GMDS: variants seen among roughly 807,000 people sequenced by gnomAD.
GMDS encodes GDP-mannose 4,6 dehydratase.
Under a neutral mutation model 49.9 loss-of-function variants are expected in GMDS, and 20 were observed. That is an observed-to-expected ratio of 0.40 (90% CI 0.28 to 0.58). GMDS has a LOEUF of 0.58. GMDS is among the 20% of genes least tolerant of loss of function. GMDS has a pLI of 0.42. For missense variants in GMDS, 362 were observed against 481.4 expected (o/e 0.75, Z 2.32); for synonymous variants, 177 against 178.6 (o/e 0.99, Z 0.07).
chr6:2,196,399 G>A (rs961379602), intron 1 of GMDS, among the ~76,000 whole-genome samples: 1 of 152,192 alleles, frequency 6.6e-6, no homozygotes, highest in African/African-American at 2.4e-5. Context: ...AATAGTGTGG[G>A]TCACAAGGCA....
intron 7 of GMDS, among the ~76,000 whole-genome samples, chr6:1,825,610 T>C (rs908740933): frequency 1.3e-5 from 2 of 152,254 alleles, no homozygotes; most frequent in Admixed American, 1.3e-4. Flanking sequence ...ATTGCTCCTA[T>C]ACTACAAATC....
At chr6:1,693,170 G>T (rs1765232419) in intron 9 of GMDS, among the ~76,000 whole-genome samples, 1 of 152,164 alleles carries the variant, frequency 6.6e-6, no homozygotes, top group Non-Finnish European at 1.5e-5. Flanking sequence ...TTCCAGTCTG[G>T]CTGGTGGAAA....
intron 7 of GMDS, among the ~76,000 whole-genome samples, chr6:1,863,397 C>T (rs553179618): frequency 6.6e-6 from 1 of 152,136 alleles, no homozygotes; most frequent in Non-Finnish European, 1.5e-5. Context: ...CACCCACAAA[C>T]GTTTGGCTGT....
chr6:1,717,362 T>C (rs1766212563), intron 9 of GMDS: 1 of 152,312 alleles, frequency 6.6e-6, no homozygotes, highest in Admixed American at 6.5e-5. Flanking sequence ...GGGAGGAGCA[T>C]GGGGGGTGGT....
intron 1 of GMDS, among the ~76,000 whole-genome samples, chr6:2,198,114 A>G (rs933057838): frequency 6.6e-6 from 1 of 152,216 alleles, no homozygotes; most frequent in African/African-American, 2.4e-5. Context: ...GAAATTTACT[A>G]AAATAAGCAG....
intron 4 of GMDS, among the ~76,000 whole-genome samples, chr6:2,071,895 T>C (rs1476050483): frequency 6.6e-6 from 1 of 152,198 alleles, no homozygotes; most frequent in Non-Finnish European, 1.5e-5. Flanking sequence ...AGCACATACC[T>C]ATACCTCACT....
intron 7 of GMDS, among the ~76,000 whole-genome samples, chr6:1,811,152 A>T (rs1770411146): frequency 6.6e-6 from 1 of 152,260 alleles, no homozygotes. Flanking sequence ...ACCACAAGAC[A>T]ATGCTGTGCT....
intron 9 of GMDS, among the ~76,000 whole-genome samples, chr6:1,711,897 G>A (rs1006235597): frequency 6.6e-6 from 1 of 152,194 alleles, no homozygotes; most frequent in Non-Finnish European, 1.5e-5. Flanking sequence ...CCAGCCAAAC[G>A]GTGGCTGCTG....
intron 4 of GMDS, among the ~76,000 whole-genome samples, chr6:2,053,775 T>C (rs1770619845): frequency 6.6e-6 from 1 of 152,080 alleles, no homozygotes; most frequent in South Asian, 2.1e-4. Context: ...CCTTTGATTT[T>C]TTAAACTATA....
intron 1 of GMDS, among the ~76,000 whole-genome samples, chr6:2,201,050 C>A (rs1332374722): frequency 2.3e-4 from 29 of 124,732 alleles, no homozygotes; most frequent in South Asian, 5.7e-4. Context: ...CAGAGCACCA[C>A]ATGGGCATCC....
At chr6:2,193,785 G>T (rs145222786) in intron 1 of GMDS, among the ~76,000 whole-genome samples, 1 of 145,524 alleles carries the variant, frequency 6.9e-6, no homozygotes, top group Non-Finnish European at 1.5e-5. Context: ...GTGCAGTGGC[G>T]CGATCTCGGC....
At chr6:1,721,593 G>GA (rs895977369) in intron 9 of GMDS, among the ~76,000 whole-genome samples, 2 of 151,112 alleles carry the variant, frequency 1.3e-5, no homozygotes, top group African/African-American at 4.9e-5. Context: ...ATGCTCTGCA[G>GA]AAAAAAAAGG....
chr6:1,674,554 CTCTCTCTTTTTT>C (rs1392775440), intron 9 of GMDS, among the ~76,000 whole-genome samples: 1 of 79,120 alleles, frequency 1.3e-5, no homozygotes, highest in Non-Finnish European at 2.5e-5. Context: ...AACTCTCTCT[CTCTCTCTTTTTT>C]TTTTTTTTTT....
At chr6:1,669,154 A>G (rs908282193) in intron 9 of GMDS, among the ~76,000 whole-genome samples, 1 of 152,266 alleles carries the variant, frequency 6.6e-6, no homozygotes, top group Non-Finnish European at 1.5e-5. Context: ...AGGAAGAGAC[A>G]GAAGACATTG....
At chr6:1,664,941 C>T (rs143248982) in intron 9 of GMDS, among the ~76,000 whole-genome samples, 7 of 152,312 alleles carry the variant, frequency 4.6e-5, no homozygotes, top group Admixed American at 2.0e-4. Flanking sequence ...ACACACCACA[C>T]GTGCTATGTG....
Position 1,960,943 on chromosome 6 carries a change from G to A in GMDS, c.369C>T (p.Tyr123=). Residue 123 remains tyrosine (Y), a synonymous_variant, in exon 5 of 11, where the codon TAC becomes TAT. Transcript: ENST00000380815. ...HVKISFDLAE[Y]TADVDGVGTL... ...TGCCAACTCCGTCAACGTCCGCAGTGTACTCAGCGAGGTCAAAGGAAATCT... is the reference window on the plus strand; with the variant it reads ...TGCCAACTCCGTCAACGTCCGCAGTATACTCAGCGAGGTCAAAGGAAATCT... 2 of 1,561,842 alleles carry A rather than the reference G, an allele frequency of 1.3e-6. No homozygotes were observed. Among genetic ancestry groups the A allele is most frequent in the Non-Finnish European group, 1.8e-6 (2 of 1,141,702 alleles).
intron 7 of GMDS, among the ~76,000 whole-genome samples, chr6:1,829,302 T>G (rs2113721453): frequency 6.6e-6 from 1 of 152,360 alleles, no homozygotes; most frequent in South Asian, 2.1e-4. Flanking sequence ...CGTGTGTGTA[T>G]CTATGTATGT....
chr6:1,751,698 T>G (rs1192609282), intron 7 of GMDS, among the ~76,000 whole-genome samples: 2 of 152,202 alleles, frequency 1.3e-5, no homozygotes, highest in African/African-American at 4.8e-5. Flanking sequence ...TTCACCATGT[T>G]GGCCAGGATG....
rs537309377 is a variant in GMDS at position 1,778,004 on chromosome 6, T to C, written c.772-35418A>G. Among the ~76,000 whole-genome samples the C allele has an allele frequency of 1.3e-5, 2 of 152,172 alleles. No homozygotes were observed. The highest frequency in any genetic ancestry group is 2.1e-4 in the South Asian group (1 of 4,822). On this transcript the variant is annotated intron_variant, in intron 7 of 10. Transcript: ENST00000380815. The surrounding 1 kb of genome is among the most constrained non-coding windows in gnomAD (Gnocchi z 4.6). ...ACAGCTAACAGATGGAAGAGCTGAATGGAAATTTCAATAAAGAGGGCCACA... is the reference window on the plus strand; with the variant it reads ...ACAGCTAACAGATGGAAGAGCTGAACGGAAATTTCAATAAAGAGGGCCACA...
Sources: gnomAD v4.1 joint callset for allele counts (sites outside exome capture counted in the v4.1 genomes callset) on GRCh38, gnomAD v4.1.1 for gene constraint, Gnocchi (gnomAD v3.1) non-coding constraint, MANE v1.5 for transcripts, NCBI Gene and HGNC (gene_info 2026-07-23, HGNC 2026-07-21) for gene names.